SPAG17: variants seen among roughly 807,000 people sequenced by gnomAD.
The protein encoded by SPAG17 is sperm associated antigen 17.
Under a neutral mutation model 273.6 loss-of-function variants are expected in SPAG17, and 169 were observed. That is an observed-to-expected ratio of 0.62 (90% CI 0.55 to 0.70). SPAG17 has a LOEUF of 0.70. Among genes scored for constraint, SPAG17 ranks in the 30% least tolerant of loss-of-function variants. SPAG17 has a pLI of 0.00. For missense variants in SPAG17, 2,557 were observed against 2,627.8 expected, an observed-to-expected ratio of 0.97 and a Z score of 0.59; for synonymous variants, 825 against 873.2, an observed-to-expected ratio of 0.94 and a Z score of 0.97.
chr1:118,064,784 A>G (rs1039236982), intron 18 of SPAG17, among the ~76,000 whole-genome samples: 1 of 151,574 alleles, frequency 6.6e-6, no homozygotes, highest in Non-Finnish European at 1.5e-5. Context: ...AAAGAAAGAT[A>G]ATAAAAATAC....
At chr1:117,997,804 T>G (rs1434819576) in intron 32 of SPAG17, among the ~76,000 whole-genome samples, 1 of 152,150 alleles carries the variant, frequency 6.6e-6, no homozygotes, top group Non-Finnish European at 1.5e-5. Context: ...AAATTTGTAT[T>G]TCCTATAATT....
At chr1:118,080,862 T>C (rs1654492844) in intron 15 of SPAG17, among the ~76,000 whole-genome samples, 1 of 152,198 alleles carries the variant, frequency 6.6e-6, no homozygotes, top group Admixed American at 6.5e-5. Context: ...AAAGTTTTAA[T>C]GATGTTTGCT....
intron 3 of SPAG17, among the ~76,000 whole-genome samples, chr1:118,135,730 T>G (rs1012649928): frequency 6.6e-6 from 1 of 152,150 alleles, no homozygotes; most frequent in African/African-American, 2.4e-5. Flanking sequence ...TGAGGCCAAA[T>G]GTGTGTGAGC....
Position 118,060,570 on chromosome 1 carries a change from A to G in SPAG17, c.2541-4656T>C, listed in dbSNP as rs186744339. Among the ~76,000 whole-genome samples the G allele has an allele frequency of 2.2e-4, 34 of 152,344 alleles. 1 individual carries two copies. In the East Asian group the frequency reaches 5.6e-3, roughly 25 times the overall value. On this transcript the variant is annotated intron_variant, in intron 18 of 48. Transcript: ENST00000336338. ...TAAATGTGATTTATGAAACACCATT[A>G]CAGTATTAGAGTATCCTGAATTTGA...
intron 3 of SPAG17, among the ~76,000 whole-genome samples, chr1:118,127,578 G>A (rs901236878): frequency 6.6e-6 from 1 of 152,100 alleles, no homozygotes; most frequent in Non-Finnish European, 1.5e-5. Flanking sequence ...CAACAGTGGG[G>A]GTTATATTTC....
chr1:118,094,650 A>G (rs1655595503), intron 7 of SPAG17, among the ~76,000 whole-genome samples: 1 of 152,214 alleles, frequency 6.6e-6, no homozygotes, highest in Middle Eastern at 3.2e-3. Flanking sequence ...GGGGTAGATT[A>G]TAATTTTTAT....
intron 24 of SPAG17, among the ~76,000 whole-genome samples, chr1:118,033,287 CTT>C (rs1463457468): frequency 6.6e-6 from 1 of 152,184 alleles, no homozygotes; most frequent in Admixed American, 6.5e-5. Context: ...TTAAGTCTCT[CTT>C]CTCCCAAGCA....
At chr1:118,175,900 A>C (rs1196677135) in intron 1 of SPAG17, among the ~76,000 whole-genome samples, 2 of 152,208 alleles carry the variant, frequency 1.3e-5, no homozygotes, top group Non-Finnish European at 2.9e-5. Context: ...TCTATTAAAA[A>C]CAATAATAGC....
chr1:118,095,721 T>C lies in SPAG17; in HGVS notation c.1011+1949A>G, dbSNP rs541783433. On this transcript the variant is annotated intron_variant, in intron 7 of 48. Coordinates refer to ENST00000336338, the MANE Select transcript of SPAG17 (RefSeq NM_206996.4). The stretch of plus-strand genomic sequence containing the variant: ...CTCTTCCCCCTAAATATGTCACTTT[T>C]TTTAGTATAATCTAGAGTTTCAAGA... 7.9e-5 allele frequency among the ~76,000 whole-genome samples: 12 copies of C among 152,318 alleles called. No homozygotes were observed. In the South Asian group the frequency reaches 2.5e-3, roughly 32 times the overall value.
intron 13 of SPAG17, among the ~76,000 whole-genome samples, chr1:118,083,377 T>C (rs926772663): frequency 6.6e-6 from 1 of 151,990 alleles, no homozygotes; most frequent in African/African-American, 2.4e-5. Flanking sequence ...TGGTAAAAAA[T>C]TGAAAGCCTG....
intron 43 of SPAG17, among the ~76,000 whole-genome samples, chr1:117,974,335 C>T (rs1000761466): frequency 7.2e-5 from 11 of 152,024 alleles, no homozygotes; most frequent in African/African-American, 2.7e-4. Context: ...CTCACAACAA[C>T]CGTATAAGGT....
chr1:118,035,822 T>C (rs186505173), intron 24 of SPAG17, among the ~76,000 whole-genome samples: 232 of 152,330 alleles, frequency 1.5e-3, no homozygotes, highest in Admixed American at 5.6e-3. Flanking sequence ...GATTTCCCAA[T>C]TGATTCTTCG....
intron 13 of SPAG17, 98 bp downstream of exon 13, chr1:118,085,824 T>C: frequency 8.1e-7 from 1 of 1,234,530 alleles, no homozygotes; most frequent in East Asian, 2.6e-5. Flanking sequence ...GGTCTTTCAA[T>C]AATGAAAATA....
chr1:118,105,667 T>C (rs1468953730), intron 4 of SPAG17, among the ~76,000 whole-genome samples: 1 of 151,840 alleles, frequency 6.6e-6, no homozygotes, highest in Non-Finnish European at 1.5e-5. Flanking sequence ...GGATTATGAG[T>C]AAGAGACAAG....
chr1:118,101,755 T>C lies in SPAG17; in HGVS notation c.619A>G (p.Thr207Ala), dbSNP rs755071647. Residue 207 changes from threonine to alanine, a missense_variant, in exon 5 of 49, where the codon ACC (threonine) becomes GCC (alanine). Physicochemically the swap from Thr to Ala is moderately conservative, Grantham distance 58. Coordinates refer to ENST00000336338, the MANE Select transcript of SPAG17 (RefSeq NM_206996.4). The stretch of plus-strand genomic sequence containing the variant: ...CCTTACTGACCAATGTAACGATTGG[T>C]GTGGTCGTCTTCTCCTCTCCGCTTT... Reference protein sequence around the residue: ...QLKRRGEDDHTNRYIDDEPDD... With the variant: ...QLKRRGEDDHANRYIDDEPDD... 3.1e-6 allele frequency: 5 copies of C among 1,613,386 alleles called. No homozygotes were observed. The highest frequency in any genetic ancestry group is 1.3e-5 in the African/African-American group (1 of 74,840).
chr1:118,140,917 C>T (rs1239074500), intron 3 of SPAG17, among the ~76,000 whole-genome samples: 2 of 152,178 alleles, frequency 1.3e-5, no homozygotes, highest in Admixed American at 6.5e-5. Context: ...TCCTGTCTCC[C>T]ACTCTCAGTG....
intron 25 of SPAG17, 97 bp downstream of exon 25, chr1:118,031,595 T>C: frequency 8.2e-7 from 1 of 1,213,130 alleles, no homozygotes; most frequent in Non-Finnish European, 1.2e-6. Context: ...ATAAAACGTA[T>C]GCACTATAAT....
At chr1:118,150,964 T>C (rs1385428745) in intron 2 of SPAG17, among the ~76,000 whole-genome samples, 1 of 152,134 alleles carries the variant, frequency 6.6e-6, no homozygotes. Context: ...AATTAAATAT[T>C]TTGTCACAGA....
chr1:118,164,227 T>C (rs915827969), intron 1 of SPAG17, among the ~76,000 whole-genome samples: 2 of 152,246 alleles, frequency 1.3e-5, no homozygotes, highest in Non-Finnish European at 2.9e-5. Flanking sequence ...CTGAGCTATA[T>C]AGTCCGTATT....
Sources: allele counts gnomAD v4.1 joint callset (sites outside exome capture counted in the v4.1 genomes callset), GRCh38; gene constraint gnomAD v4.1.1; transcripts MANE v1.5; gene names NCBI Gene and HGNC (gene_info 2026-07-23, HGNC 2026-07-21).